SLC16A10: variants seen among roughly 807,000 people sequenced by gnomAD.
SLC16A10 encodes monocarboxylate transporter 10.
SLC16A10 carries 27 observed loss-of-function variants against 40.0 expected under a neutral mutation model. The ratio of observed to expected loss-of-function variants is 0.67; its 90% CI spans 0.50 to 0.93. SLC16A10 has a LOEUF of 0.93. SLC16A10 is among the 40% of genes least tolerant of loss of function. SLC16A10 has a pLI of 0.00. For missense variants in SLC16A10, 529 were observed against 658.2 expected, an observed-to-expected ratio of 0.80 and a Z score of 2.15; for synonymous variants, 213 against 249.8, an observed-to-expected ratio of 0.85 and a Z score of 1.39.
At chr6:111,184,484 A>AT (rs56663468) in intron 3 of SLC16A10, among the ~76,000 whole-genome samples, 4,405 of 143,184 alleles carry the variant, frequency 0.031, 110 homozygotes, top group Non-Finnish European at 0.032. Flanking sequence ...ATTGGAAATG[A>AT]TTTTTTTTTT....
chr6:111,183,198 C>T (rs546189695), intron 3 of SLC16A10, among the ~76,000 whole-genome samples: 12 of 152,176 alleles, frequency 7.9e-5, no homozygotes, highest in Non-Finnish European at 1.5e-4. Flanking sequence ...TCTGCTTCTG[C>T]CATTCGCCTT....
intron 1 of SLC16A10, among the ~76,000 whole-genome samples, chr6:111,160,433 G>A (rs1305861870): frequency 6.6e-6 from 1 of 152,102 alleles, no homozygotes; most frequent in Non-Finnish European, 1.5e-5. Flanking sequence ...GTAGAGACAG[G>A]GTTTCACCAT....
chr6:111,164,829 C>T (rs1772441951), intron 1 of SLC16A10, among the ~76,000 whole-genome samples: 2 of 152,132 alleles, frequency 1.3e-5, no homozygotes, highest in Non-Finnish European at 2.9e-5. Context: ...AGTATCTGAC[C>T]TGCATAATTT....
intron 2 of SLC16A10, among the ~76,000 whole-genome samples, chr6:111,174,651 G>A (rs968347668): frequency 6.6e-6 from 1 of 152,000 alleles, no homozygotes; most frequent in Non-Finnish European, 1.5e-5. Flanking sequence ...TGTAATTAAT[G>A]TTATTAATAC....
intron 1 of SLC16A10, among the ~76,000 whole-genome samples, chr6:111,128,530 G>A (rs1186506406): frequency 6.6e-6 from 1 of 152,086 alleles, no homozygotes; most frequent in Non-Finnish European, 1.5e-5. Flanking sequence ...CACACTGGTT[G>A]GTTTGAAGAA....
At chr6:111,208,483 C>T (rs942824356) in intron 4 of SLC16A10, among the ~76,000 whole-genome samples, 2 of 151,974 alleles carry the variant, frequency 1.3e-5, no homozygotes, top group Admixed American at 6.6e-5. Context: ...CAGGCTGAAG[C>T]AGGAGAATCA....
intron 1 of SLC16A10, among the ~76,000 whole-genome samples, chr6:111,171,345 A>G (rs1468495478): frequency 6.6e-6 from 1 of 152,124 alleles, no homozygotes; most frequent in Admixed American, 6.5e-5. Flanking sequence ...CTGGTGAGGG[A>G]AGAAAGAAAA....
intron 1 of SLC16A10, among the ~76,000 whole-genome samples, chr6:111,155,051 T>A (rs569348929): frequency 1.6e-4 from 24 of 149,396 alleles, no homozygotes; most frequent in African/African-American, 5.9e-4. Flanking sequence ...AAAAGACAAT[T>A]CTGAAAGTGG....
chr6:111,136,034 AT>A (rs1771871634), intron 1 of SLC16A10, among the ~76,000 whole-genome samples: 1 of 152,260 alleles, frequency 6.6e-6, no homozygotes, highest in Admixed American at 6.5e-5. Context: ...CATAATAGGC[AT>A]AACAGGCATA....
chr6:111,202,211 C>G (rs941076688), intron 3 of SLC16A10, among the ~76,000 whole-genome samples: 1 of 152,164 alleles, frequency 6.6e-6, no homozygotes, highest in Non-Finnish European at 1.5e-5. Context: ...TGTGGTGGCT[C>G]ATGCCTGTAA....
intron 3 of SLC16A10, among the ~76,000 whole-genome samples, chr6:111,197,454 A>C (rs1457310345): frequency 6.6e-6 from 1 of 152,200 alleles, no homozygotes; most frequent in South Asian, 2.1e-4. Context: ...AATTTTGTGA[A>C]TTTACAAAAT....
intron 1 of SLC16A10, among the ~76,000 whole-genome samples, chr6:111,171,240 A>T (rs1772580418): frequency 6.6e-6 from 1 of 152,202 alleles, no homozygotes; most frequent in Non-Finnish European, 1.5e-5. Flanking sequence ...GCTCCTTCCT[A>T]CTGTCTACTT....
chr6:111,116,745 T>A lies in SLC16A10; in HGVS notation c.343+28650T>A, dbSNP rs143845559. ...ATATAGAAAAATGAAGACATAGTTG[T>A]GTTAGGGTGGTAGAATTTTGAGTGG... On this transcript the variant is annotated intron_variant, in intron 1 of 5. Transcript: ENST00000368851. 5.3e-5 allele frequency among the ~76,000 whole-genome samples: 8 copies of A among 152,316 alleles called. No homozygotes were observed. In the East Asian group the frequency reaches 1.5e-3, roughly 29 times the overall value.
chr6:111,172,741 A>G lies in SLC16A10; in HGVS notation c.390A>G (p.Pro130=). 2 of 1,614,168 alleles carry G rather than the reference A, an allele frequency of 1.2e-6. No homozygotes were observed. Among genetic ancestry groups the G allele is most frequent in the South Asian group, 1.1e-5 (1 of 91,082 alleles). The part of the protein sequence containing the change: ...LSMGMIFFCC[P]IVSVFTDLFG... ...TGGGGATGATTTTCTTTTGCTGCCCAATAGTCAGCGTCTTCACAGACCTAT... is the reference window on the plus strand; with the variant it reads ...TGGGGATGATTTTCTTTTGCTGCCCGATAGTCAGCGTCTTCACAGACCTAT... The change falls in exon 2 of 6, where the codon CCA becomes CCG. Residue 130 remains proline, a synonymous_variant. Transcript: ENST00000368851.
intron 1 of SLC16A10, among the ~76,000 whole-genome samples, chr6:111,140,960 A>G (rs1771971553): frequency 6.6e-6 from 1 of 152,046 alleles, no homozygotes; most frequent in African/African-American, 2.4e-5. Flanking sequence ...TAATTTTTAA[A>G]TTGTTTTTAA....
intron 1 of SLC16A10, among the ~76,000 whole-genome samples, chr6:111,145,665 A>C (rs1772065024): frequency 6.6e-6 from 1 of 152,196 alleles, no homozygotes; most frequent in Non-Finnish European, 1.5e-5. Context: ...CCTGGGCAAC[A>C]TATTGAGACC....
chr6:111,213,195 A>C (rs1051749984), intron 4 of SLC16A10, among the ~76,000 whole-genome samples: 6 of 152,206 alleles, frequency 3.9e-5, no homozygotes, highest in Non-Finnish European at 7.3e-5. Flanking sequence ...ATGTCCATGC[A>C]CATAAAGCAG....
chr6:111,211,273 C>T (rs532160606), intron 4 of SLC16A10, among the ~76,000 whole-genome samples: 49 of 152,234 alleles, frequency 3.2e-4, no homozygotes, highest in South Asian at 1.5e-3. Flanking sequence ...AATGTTTGAA[C>T]GTCCTCCTAC....
intron 3 of SLC16A10, among the ~76,000 whole-genome samples, chr6:111,193,112 A>G (rs1372673895): frequency 6.6e-6 from 1 of 152,186 alleles, no homozygotes; most frequent in Non-Finnish European, 1.5e-5. Context: ...ATGGCCTCCC[A>G]AAGTGCTGGG....
Sources: allele counts gnomAD v4.1 joint callset (sites outside exome capture counted in the v4.1 genomes callset), GRCh38; gene constraint gnomAD v4.1.1; transcripts MANE v1.5; gene names NCBI Gene and HGNC (gene_info 2026-07-23, HGNC 2026-07-21).